The following LARGE1 variants were observed in gnomAD, a reference collection of about 807,000 sequenced individuals.
LARGE1 encodes LARGE xylosyl- and glucuronyltransferase 1, also known as xylosyl- and glucuronyltransferase LARGE1.
LARGE1 carries 43 observed loss-of-function variants against 87.6 expected under a neutral mutation model. The observed-to-expected ratio is 0.49, with a 90% CI of 0.38 to 0.63. The LOEUF is 0.63. Among genes scored for constraint, LARGE1 ranks in the 30% least tolerant of loss-of-function variants. The pLI is 0.00. For synonymous variants in LARGE1, 434 were observed against 394.6 expected (o/e 1.10, Z -1.18); for missense variants, 802 against 1,000.2 (o/e 0.80, Z 2.67).
At position 33,863,235 on chromosome 22, in the gene LARGE1, G is replaced by A. The variant is rs141583526; in HGVS notation, c.-83+56760C>T. Among the ~76,000 whole-genome samples the A allele has an allele frequency of 9.8e-4, 149 of 152,302 alleles. 1 individual carries two copies. Among genetic ancestry groups the A allele is most frequent in the African/African-American group, 3.4e-3 (140 of 41,562 alleles). On this transcript the variant is annotated intron_variant, in intron 1 of 14. Coordinates refer to ENST00000397394, the MANE Select transcript of LARGE1 (RefSeq NM_133642.5). Reference sequence around the variant, plus strand: ...TCACTTCCCTCATTTCTGAAATGGAGGTTAATCCAACCTCATCAGGTAATT... The same window carrying A: ...TCACTTCCCTCATTTCTGAAATGGAAGTTAATCCAACCTCATCAGGTAATT...
intron 6 of LARGE1, among the ~76,000 whole-genome samples, chr22:33,512,601 G>A (rs1230609425): frequency 6.6e-6 from 1 of 152,154 alleles, no homozygotes; most frequent in Non-Finnish European, 1.5e-5. Flanking sequence ...TCAGGAGTTC[G>A]AGACCAGCCT....
chr22:33,351,848 C>G (rs1156697195), intron 9 of LARGE1, among the ~76,000 whole-genome samples: 1 of 151,974 alleles, frequency 6.6e-6, no homozygotes, highest in East Asian at 1.9e-4. Flanking sequence ...AAGCGATTCT[C>G]CTGCCTCAGC....
chr22:33,343,119 T>A (rs1230192314), intron 9 of LARGE1, among the ~76,000 whole-genome samples: 2 of 151,832 alleles, frequency 1.3e-5, no homozygotes, highest in Non-Finnish European at 2.9e-5. Flanking sequence ...CTGGTGTTTT[T>A]TGTTTGTTTG....
chr22:33,534,085 T>C (rs1311283154), intron 6 of LARGE1, among the ~76,000 whole-genome samples: 1 of 152,094 alleles, frequency 6.6e-6, no homozygotes, highest in Non-Finnish European at 1.5e-5. Flanking sequence ...GTGGGTGGGC[T>C]TCTTGACTGC....
chr22:33,789,319 C>G (rs941947466), intron 1 of LARGE1, among the ~76,000 whole-genome samples: 1 of 152,210 alleles, frequency 6.6e-6, no homozygotes, highest in African/African-American at 2.4e-5. Context: ...TTGGGAACCC[C>G]TGCCTGGATT....
intron 2 of LARGE1, among the ~76,000 whole-genome samples, chr22:33,689,499 C>A (rs907514395): frequency 6.6e-6 from 1 of 151,718 alleles, no homozygotes; most frequent in Non-Finnish European, 1.5e-5. Context: ...TTGGGGAATG[C>A]AAAAGAAAGA....
intron 1 of LARGE1, among the ~76,000 whole-genome samples, chr22:33,853,990 C>A (rs972980920): frequency 6.6e-6 from 1 of 152,102 alleles, no homozygotes; most frequent in African/African-American, 2.4e-5. Flanking sequence ...TGGGCAGGCT[C>A]GTGGCCAGCC....
At chr22:33,548,077 T>C (rs563559889) in intron 6 of LARGE1, among the ~76,000 whole-genome samples, 2 of 152,260 alleles carry the variant, frequency 1.3e-5, no homozygotes, top group African/African-American at 4.8e-5. Flanking sequence ...CCAAATCTCA[T>C]GTTCAGTTGT....
intron 1 of LARGE1, among the ~76,000 whole-genome samples, chr22:33,914,263 C>T (rs2065721558): frequency 6.6e-6 from 1 of 152,106 alleles, no homozygotes; most frequent in Non-Finnish European, 1.5e-5. Flanking sequence ...GTGTATCTAC[C>T]CAATTGCTCT....
chr22:33,322,436 T>TA (rs1936836033), intron 10 of LARGE1: 1 of 152,252 alleles, frequency 6.6e-6, no homozygotes, highest in Non-Finnish European at 1.5e-5. Flanking sequence ...TTGTAAACTC[T>TA]AAAGTGCTGC....
At chr22:33,716,655 C>A (rs1031091366) in intron 2 of LARGE1, among the ~76,000 whole-genome samples, 1 of 152,202 alleles carries the variant, frequency 6.6e-6, no homozygotes, top group Non-Finnish European at 1.5e-5. Flanking sequence ...CTGCCTCGGC[C>A]TCCCCAAGCG....
chr22:33,890,608 A>G lies in LARGE1; in HGVS notation c.-83+29387T>C, dbSNP rs79910198. Among the ~76,000 whole-genome samples the G allele has an allele frequency of 2.5e-3, 374 of 152,352 alleles. 1 individual carries two copies. The highest frequency in any genetic ancestry group is 4.4e-3 in the Non-Finnish European group (298 of 68,038). On this transcript the variant is annotated intron_variant, in intron 1 of 14. Coordinates refer to ENST00000397394, the MANE Select transcript of LARGE1 (RefSeq NM_133642.5). ...TTGAGAATCATCAAGAAATTGTTTCAAAAACCAAGAATCACTGCACATAAT... is the reference window on the plus strand; with the variant it reads ...TTGAGAATCATCAAGAAATTGTTTCGAAAACCAAGAATCACTGCACATAAT...
chr22:33,596,639 C>G (rs1032256694), intron 5 of LARGE1, among the ~76,000 whole-genome samples: 1 of 152,082 alleles, frequency 6.6e-6, no homozygotes, highest in African/African-American at 2.4e-5. Context: ...AAATGTAGAC[C>G]CTCTGATGAC....
chr22:33,718,531 AG>A (rs1296598275), intron 2 of LARGE1, among the ~76,000 whole-genome samples: 2 of 152,256 alleles, frequency 1.3e-5, no homozygotes, highest in Non-Finnish European at 2.9e-5. Context: ...TAATAGACAT[AG>A]GTTCTTATTG....
intron 11 of LARGE1, among the ~76,000 whole-genome samples, chr22:33,205,820 C>G (rs1165866879): frequency 6.6e-6 from 1 of 152,054 alleles, no homozygotes; most frequent in Non-Finnish European, 1.5e-5. Context: ...CGCTGTGATG[C>G]CCAGGCTGGA....
At chr22:33,353,853 C>T (rs1940640376) in intron 9 of LARGE1, among the ~76,000 whole-genome samples, 1 of 152,204 alleles carries the variant, frequency 6.6e-6, no homozygotes, top group Non-Finnish European at 1.5e-5. Context: ...TCCTTGACTC[C>T]ATCATTGCTA....
chr22:33,416,596 T>C (rs1263169353), intron 7 of LARGE1, among the ~76,000 whole-genome samples: 2 of 151,976 alleles, frequency 1.3e-5, no homozygotes, highest in African/African-American at 4.8e-5. Context: ...TAGACACCCA[T>C]TTTCTTTTTT....
intron 3 of LARGE1, among the ~76,000 whole-genome samples, chr22:33,636,732 A>G (rs1244504019): frequency 6.6e-6 from 1 of 151,158 alleles, no homozygotes; most frequent in Admixed American, 6.6e-5. Context: ...GGGTCTCGCT[A>G]TGTTGCCCAG....
intron 1 of LARGE1, among the ~76,000 whole-genome samples, chr22:33,898,009 C>A (rs1189285746): frequency 2.0e-5 from 3 of 152,092 alleles, no homozygotes; most frequent in African/African-American, 7.2e-5. Flanking sequence ...AGCAATGAGA[C>A]CCTGTTTAAA....
Sources: allele counts gnomAD v4.1 joint callset (sites outside exome capture counted in the v4.1 genomes callset), GRCh38; gene constraint gnomAD v4.1.1; transcripts MANE v1.5; gene names NCBI Gene and HGNC (gene_info 2026-07-23, HGNC 2026-07-21).